SMARCA1: variants seen among roughly 807,000 people sequenced by gnomAD.
SMARCA1 encodes the protein SWI/SNF-related matrix-associated actin-dependent regulator of chromatin subfamily A member 1.
A neutral mutation model predicts 93.6 loss-of-function variants in SMARCA1; 17 were observed. That is an observed-to-expected ratio of 0.18 (90% CI 0.12 to 0.27). SMARCA1 has a LOEUF of 0.27. Ranked by LOEUF, SMARCA1 falls within the 10% of genes least tolerant of loss-of-function variation. SMARCA1 has a pLI of 1.00. For synonymous variants in SMARCA1, 271 were observed against 271.4 expected (o/e 1.00, Z 0.01); for missense variants, 630 against 819.0 (o/e 0.77, Z 2.82).
chrX:129,493,649 T>C (rs1410075872), intron 12 of SMARCA1, among the ~76,000 whole-genome samples: 2 of 111,965 alleles, frequency 1.8e-5, no homozygotes, highest in Non-Finnish European at 3.8e-5. Context: ...TCTGTGATTC[T>C]GGGCAAGTAT....
rs372885357 is a variant in SMARCA1, at chrX:129,481,225, A to T, written c.2218-40T>A. The T allele has an allele frequency of 3.1e-4, 262 of 839,324 alleles. 1 individual carries two copies. The highest frequency in any genetic ancestry group is 3.7e-4 in the Non-Finnish European group (211 of 568,081). The allele number at this position is 839,324 out of a possible 1,213,427, so 69.2% of individuals were successfully genotyped here. A position where few individuals can be genotyped will look rare whatever the true frequency, so the allele number is the denominator to read the frequency against. On this transcript the variant is annotated intron_variant, in intron 17 of 24. Transcript: ENST00000371121. ...CAACAACAAGGGGTTTAATGACTCC[A>T]AACAACAGTTTTATCAAAATCAAGT...
intron 1 of SMARCA1, 154 bp from the exon 2 acceptor site, chrX:129,518,601 A>G (rs1935284327): frequency 5.8e-6 from 2 of 345,966 alleles, no homozygotes; most frequent in Non-Finnish European, 1.0e-5. Flanking sequence ...AGCATGTCAC[A>G]AAACAAGGCT....
intron 20 of SMARCA1, among the ~76,000 whole-genome samples, chrX:129,470,731 C>T (rs1857385467): frequency 9.1e-6 from 1 of 110,374 alleles, no homozygotes. Flanking sequence ...TAGCCAGGCA[C>T]GGTGGTGGGT....
At chrX:129,507,872 A>C (rs1313459929) in intron 7 of SMARCA1, 69 bp downstream of exon 7, 7 of 712,329 alleles carry the variant, frequency 9.8e-6, no homozygotes, top group Non-Finnish European at 1.2e-5. Flanking sequence ...TTTTATTCTG[A>C]ATACAGAAAA....
chrX:129,515,847 C>G (rs1319663915), intron 4 of SMARCA1, 47 bp downstream of exon 4: 2 of 1,158,497 alleles, frequency 1.7e-6, no homozygotes, highest in Non-Finnish European at 2.4e-6. Flanking sequence ...TAAAATTTTT[C>G]TAAAACTAAA....
At chrX:129,513,397 G>C (rs1011514140) in intron 5 of SMARCA1, among the ~76,000 whole-genome samples, 3 of 107,657 alleles carry the variant, frequency 2.8e-5, no homozygotes, top group Non-Finnish European at 1.9e-5. Flanking sequence ...GGTGGTGGGC[G>C]CCTGTAATCC....
chrX:129,516,576 C>A, intron 2 of SMARCA1, 79 bp from the exon 3 acceptor site: 1 of 836,492 alleles, frequency 1.2e-6, no homozygotes, highest in Non-Finnish European at 1.7e-6. Flanking sequence ...TTACTTTGAA[C>A]AACATTCTTA....
intron 9 of SMARCA1, among the ~76,000 whole-genome samples, chrX:129,503,435 T>C (rs1444315767): frequency 8.9e-6 from 1 of 111,752 alleles, no homozygotes; most frequent in African/African-American, 3.3e-5. Context: ...TAGGCAGGTA[T>C]GGCAGACGGA....
Position 129,475,802 on chromosome X carries a change from A to G in SMARCA1, c.2443-4476T>C, listed in dbSNP as rs778969092. ...AGCAAGCATTGCATAGGAAATATGG[A>G]GTACTGAATTAAATGTGACACCACA... On this transcript the variant is annotated intron_variant, in intron 19 of 24. Coordinates refer to ENST00000371121, the MANE Select transcript of SMARCA1 (RefSeq NM_001282874.2). 3.6e-5 allele frequency among the ~76,000 whole-genome samples: 4 copies of G among 112,181 alleles called. No homozygotes were observed. In the East Asian group the frequency reaches 1.1e-3, roughly 31 times the overall value.
At chrX:129,479,477 T>C (rs748517028) in intron 19 of SMARCA1, among the ~76,000 whole-genome samples, 1 of 110,233 alleles carries the variant, frequency 9.1e-6, no homozygotes, top group African/African-American at 3.3e-5. Flanking sequence ...AGTTCCAAAA[T>C]ATAATGAGTT....
At chrX:129,448,235 T>G in intron 24 of SMARCA1, 98 bp downstream of exon 24, 1 of 803,394 alleles carries the variant, frequency 1.2e-6, no homozygotes, top group East Asian at 3.2e-5. Flanking sequence ...CAGCTTTTAT[T>G]AATAGCTATC....
chrX:129,457,214 G>A (rs965886128), intron 23 of SMARCA1, among the ~76,000 whole-genome samples: 14 of 112,388 alleles, frequency 1.2e-4, no homozygotes, highest in Non-Finnish European at 2.4e-4. Context: ...AAGCAATAAA[G>A]TATTTTTTAA....
At chrX:129,501,247 T>G (rs1233631130) in intron 9 of SMARCA1, among the ~76,000 whole-genome samples, 1 of 111,588 alleles carries the variant, frequency 9.0e-6, no homozygotes, top group East Asian at 2.8e-4. Flanking sequence ...TCCAAGCCTA[T>G]TTCCTCATCG....
chrX:129,486,010 G>C (rs1390001437), intron 17 of SMARCA1, among the ~76,000 whole-genome samples: 1 of 111,540 alleles, frequency 9.0e-6, no homozygotes, highest in African/African-American at 3.3e-5. Flanking sequence ...ACACAAATGT[G>C]CTAAGACAGT....
chrX:129,506,243 T>C, intron 7 of SMARCA1, 32 bp from the exon 8 acceptor site: 1 of 1,050,036 alleles, frequency 9.5e-7, no homozygotes, highest in Non-Finnish European at 1.3e-6. Context: ...AGGATTATTT[T>C]ACTTATTAGA....
At chrX:129,506,734 T>C (rs959585384) in intron 7 of SMARCA1, among the ~76,000 whole-genome samples, 4 of 97,487 alleles carry the variant, frequency 4.1e-5, no homozygotes, top group Admixed American at 1.1e-4. Flanking sequence ...ATGCAGATCA[T>C]ATTTATACCT....
chrX:129,508,196 TAA>T (rs1934894659), intron 6 of SMARCA1, 100 bp from the exon 7 acceptor site: 2 of 531,651 alleles, frequency 3.8e-6, no homozygotes, highest in Admixed American at 1.1e-4. Context: ...TTAAGAATTC[TAA>T]GAGACCCTGA....
chrX:129,506,229 T>A lies in SMARCA1; in HGVS notation c.967-18A>T, dbSNP rs148259017. 2,484 of 1,111,162 alleles carry A rather than the reference T, an allele frequency of 2.2e-3. 32 individuals are homozygous for A. The African/African-American group carries it at 0.041, about 18-fold the overall frequency. 91.6% of individuals were successfully genotyped at this position (1,111,162 alleles called of 1,213,427 possible). On this transcript the variant is annotated intron_variant, in intron 7 of 24. Transcript: ENST00000371121. Reference sequence around the variant, plus strand: ...TCTGAAAGCTAGAAAATAATACTCATATGAGGATTATTTTACTTATTAGAA... The same window carrying A: ...TCTGAAAGCTAGAAAATAATACTCAAATGAGGATTATTTTACTTATTAGAA...
intron 16 of SMARCA1, among the ~76,000 whole-genome samples, chrX:129,487,971 G>A (rs1052623758): frequency 2.7e-5 from 3 of 111,148 alleles, no homozygotes; most frequent in African/African-American, 9.8e-5. Context: ...TACAGCTGAA[G>A]TATGTCTGAG....
Sources: allele counts gnomAD v4.1 joint callset (sites outside exome capture counted in the v4.1 genomes callset), GRCh38; gene constraint gnomAD v4.1.1; transcripts MANE v1.5; gene names NCBI Gene and HGNC (gene_info 2026-07-23, HGNC 2026-07-21).